ATP5F1B: variants seen among roughly 807,000 people sequenced by gnomAD.
ATP5F1B encodes the protein ATP synthase F1 subunit beta, also known as ATP synthase F(1) complex subunit beta, mitochondrial.
In ATP5F1B, 17 loss-of-function variants were observed where a neutral mutation model predicts 45.9. The ratio of observed to expected loss-of-function variants is 0.37; its 90% CI spans 0.25 to 0.56. The LOEUF is 0.56. Among genes scored for constraint, ATP5F1B ranks in the 20% least tolerant of loss-of-function variants. The probability of loss-of-function intolerance (pLI) is 0.80; values close to 1 mark genes in which losing one functional copy is unlikely to be tolerated. For synonymous variants in ATP5F1B, 218 were observed against 256.5 expected, an observed-to-expected ratio of 0.85 and a Z score of 1.43; for missense variants, 387 against 673.2, an observed-to-expected ratio of 0.57 and a Z score of 4.70.
At chr12:56,641,714 C>G (rs1592644485) in intron 7 of ATP5F1B, among the ~76,000 whole-genome samples, 1 of 152,046 alleles carries the variant, frequency 6.6e-6, no homozygotes, top group South Asian at 2.1e-4. Flanking sequence ...CCACGCCCAG[C>G]TAATTTTTTG....
At chr12:56,645,761 C>A in intron 1 of ATP5F1B, 76 bp downstream of exon 1, 1 of 1,566,284 alleles carries the variant, frequency 6.4e-7, no homozygotes, top group South Asian at 1.2e-5. Flanking sequence ...CCCTTAGGCC[C>A]GAGCTACCAT....
chr12:56,639,440 T>C (rs1472958859), intron 8 of ATP5F1B, 133 bp from the exon 9 acceptor site: 1 of 795,418 alleles, frequency 1.3e-6, no homozygotes, highest in African/African-American at 1.7e-5. Flanking sequence ...GAAAGATCAG[T>C]GTCTTGTTCT....
intron 5 of ATP5F1B, 54 bp downstream of exon 5, chr12:56,643,349 G>T: frequency 1.4e-6 from 2 of 1,455,446 alleles, no homozygotes; most frequent in Non-Finnish European, 1.9e-6. Context: ...GCTTCAGTTG[G>T]CAATAGTTTC....
rs745841573 is a variant in ATP5F1B, at chr12:56,638,295, G to C, written c.*28C>G. 1 of 1,589,352 alleles carries C rather than the reference G, an allele frequency of 6.3e-7. No homozygotes were observed. The highest frequency in any genetic ancestry group is 1.1e-5 in the South Asian group (1 of 89,818). On this transcript the variant is annotated 3_prime_UTR_variant, in exon 10 of 10. Transcript: ENST00000262030. ...AAGCTTTTTGGGTTAGGGGCAAGGA[G>C]AGAGACAGTACAGAGGACAAAGACC...
At chr12:56,640,991 G>A (rs1239131632) in intron 7 of ATP5F1B, among the ~76,000 whole-genome samples, 3 of 151,506 alleles carry the variant, frequency 2.0e-5, no homozygotes, top group African/African-American at 7.3e-5. Flanking sequence ...GGAGGTTATA[G>A]TGAGCCAAGA....
rs1452363236 is a variant in ATP5F1B at position 56,639,045 on chromosome 12, A to G, written c.1489+61T>C. On this transcript the variant is annotated intron_variant, in intron 9 of 9. Coordinates refer to ENST00000262030, the MANE Select transcript of ATP5F1B (RefSeq NM_001686.4). ...CATAGTATATTACATATATTGCTTGACGGTTGTTGGAATGGGACCACAGCA... is the reference window on the plus strand; with the variant it reads ...CATAGTATATTACATATATTGCTTGGCGGTTGTTGGAATGGGACCACAGCA... 3.3e-6 allele frequency: 5 copies of G among 1,496,554 alleles called. No homozygotes were observed. The East Asian group carries it at 1.1e-4, about 34-fold the overall frequency. 92.7% of individuals were successfully genotyped at this position (1,496,554 alleles called of 1,614,324 possible). A position where few individuals can be genotyped will look rare whatever the true frequency, so the allele number is the denominator to read the frequency against.
intron 1 of ATP5F1B, 116 bp downstream of exon 1, chr12:56,645,721 G>A (rs888634276): frequency 7.2e-6 from 11 of 1,519,158 alleles, no homozygotes; most frequent in Non-Finnish European, 9.8e-6. Flanking sequence ...AGCAAGACGC[G>A]GCTCCAGGCA....
At chr12:56,643,051 T>C in intron 5 of ATP5F1B, 1 of 565,424 alleles carries the variant, frequency 1.8e-6, no homozygotes, top group Non-Finnish European at 3.0e-6. Context: ...TAAAAACCTA[T>C]TCAAGTTAAG....
intron 8 of ATP5F1B, chr12:56,639,540 A>G: frequency 1.9e-6 from 1 of 517,206 alleles, no homozygotes; most frequent in South Asian, 2.1e-5. Flanking sequence ...TTGGGAGGCC[A>G]CGGTGGGTGG....
rs1345145083 is a variant in ATP5F1B at position 56,644,964 on chromosome 12, T to C, written c.311-9A>G. 4.3e-6 allele frequency: 7 copies of C among 1,613,992 alleles called. No individual in the cohort carries two copies. In the Admixed American group the frequency reaches 1.0e-4, roughly 23 times the overall value. On this transcript the variant is annotated splice_polypyrimidine_tract_variant and intron_variant, in intron 2 of 9. Transcript: ENST00000262030. ...CCTTACTGTGCTCTCACCTGTTAGA[T>C]ACAGGCATCGCAGGGTTATACATAA...
rs139524118 is a variant in ATP5F1B at position 56,642,903 on chromosome 12, C to T, written c.793-72G>A. 1,035 of 1,527,926 alleles carry T rather than the reference C, an allele frequency of 6.8e-4. 4 individuals are homozygous for T. The African/African-American group carries it at 0.012, about 18-fold the overall frequency. 94.6% of individuals were successfully genotyped at this position (1,527,926 alleles called of 1,614,324 possible). On this transcript the variant is annotated intron_variant, in intron 5 of 9. Coordinates refer to ENST00000262030, the MANE Select transcript of ATP5F1B (RefSeq NM_001686.4). ...AGCCACATACTGAAGGTTCCCAAAT[C>T]GGAGAAACGACCACAGATCCTTTCT... is the stretch of plus-strand genomic sequence containing the variant.
intron 4 of ATP5F1B, 77 bp downstream of exon 4, chr12:56,643,760 C>T (rs763165017): frequency 1.3e-6 from 2 of 1,594,302 alleles, no homozygotes; most frequent in South Asian, 2.2e-5. Context: ...GAATAGATGT[C>T]AATATCCACT....
At chr12:56,644,583 A>T (rs1243368426) in intron 3 of ATP5F1B, among the ~76,000 whole-genome samples, 198 bp downstream of exon 3, 1 of 152,116 alleles carries the variant, frequency 6.6e-6, no homozygotes, top group Non-Finnish European at 1.5e-5. Context: ...CCTCTCAAAA[A>T]AAAAAACCTC....
At position 56,642,746 on chromosome 12, in the gene ATP5F1B, A is replaced by C. The variant is rs1402009927; in HGVS notation, c.878T>G (p.Phe293Cys). Residue 293 changes from phenylalanine (F) to cysteine (C), a missense_variant, in exon 6 of 10, where the codon TTC (phenylalanine) becomes TGC (cysteine). Transcript: ENST00000262030. Reference sequence around the variant, plus strand: ...TACATCTTGACCTTCTTGGTCTCTGAAGTATTCAGCCACAGTCAGCCCAGT... The same window carrying C: ...TACATCTTGACCTTCTTGGTCTCTGCAGTATTCAGCCACAGTCAGCCCAGT... ...ALTGLTVAEY[F>C]RDQEGQDVLL... 1 of 1,614,208 alleles carries C rather than the reference A, an allele frequency of 6.2e-7. No individual in the cohort carries two copies. The highest frequency in any genetic ancestry group is 8.5e-7 in the Non-Finnish European group (1 of 1,180,038).
intron 5 of ATP5F1B, 175 bp downstream of exon 5, chr12:56,643,228 T>C (rs1951525005): frequency 3.7e-6 from 2 of 538,170 alleles, no homozygotes; most frequent in African/African-American, 3.8e-5. Flanking sequence ...GTATTGGAAG[T>C]TGGGGGGGAA....
In ATP5F1B at chr12:56,645,936, C is replaced by A. The variant is rs750848875; in HGVS notation, c.28G>T (p.Ala10Ser). Reference sequence around the variant, plus strand: ...CGCAAGGCCCCGGAGGCCGGAGCAGCGGCCACCCGACCCACAAACCCCAAC... The same window carrying A: ...CGCAAGGCCCCGGAGGCCGGAGCAGAGGCCACCCGACCCACAAACCCCAAC... MLGFVGRVAAAPASGALRRL... is the reference protein window; with the variant it reads MLGFVGRVASAPASGALRRL... Residue 10 changes from alanine (A) to serine (S), a missense_variant, in exon 1 of 10, where the codon GCT becomes TCT. Around this residue, in one of 6 missense-constraint regions of ATP5F1B, gnomAD observed 76 missense variants for 62.0 expected, o/e 1.23. Transcript: ENST00000262030. 1 of 1,605,684 alleles carries A rather than the reference C, an allele frequency of 6.2e-7. No homozygotes were observed. The highest frequency in any genetic ancestry group is 2.2e-5 in the East Asian group (1 of 44,568).
At chr12:56,638,515 C>T in intron 9 of ATP5F1B, 92 bp from the exon 10 acceptor site, 1 of 949,612 alleles carries the variant, frequency 1.1e-6, no homozygotes, top group Admixed American at 2.0e-5. Flanking sequence ...TTCAGGCCAT[C>T]AGTTAGAATG....
At position 56,642,770 on chromosome 12, in the gene ATP5F1B, G is replaced by A. The variant is rs780433436; in HGVS notation, c.854C>T (p.Thr285Ile). ...GAAGTATTCAGCCACAGTCAGCCCA[G>A]TCAGAGCTACCCGGGCACGAGCACC... ...PPGARARVAL[T>I]GLTVAEYFRD... The change falls in exon 6 of 10, where the codon ACT (threonine) becomes ATT (isoleucine). Residue 285 changes from threonine (T) to isoleucine (I), a missense_variant. Coordinates refer to ENST00000262030, the MANE Select transcript of ATP5F1B (RefSeq NM_001686.4). 29 of 1,614,062 alleles carry A rather than the reference G, an allele frequency of 1.8e-5. No homozygotes were observed. The highest frequency in any genetic ancestry group is 1.7e-6 in the Non-Finnish European group (2 of 1,180,048).
Position 56,638,332 on chromosome 12 carries a change from A to G in ATP5F1B, c.1581T>C (p.His527=). 1.9e-6 allele frequency: 3 copies of G among 1,613,920 alleles called. No individual in the cohort carries two copies. Among genetic ancestry groups the G allele is most frequent in the Non-Finnish European group, 2.5e-6 (3 of 1,179,814 alleles). Residue 527 remains histidine (H), a synonymous_variant, in exon 10 of 10, where the codon CAT becomes CAC. Coordinates refer to ENST00000262030, the MANE Select transcript of ATP5F1B (RefSeq NM_001686.4). ...VAKADKLAEE[H]SS is the part of the protein sequence containing the mutation. Reference sequence around the variant, plus strand: ...AGAGGACAAAGACCCCTCACGATGAATGCTCTTCAGCCAGCTTATCAGCTT... The same window carrying G: ...AGAGGACAAAGACCCCTCACGATGAGTGCTCTTCAGCCAGCTTATCAGCTT...
Sources: allele counts gnomAD v4.1 joint callset (sites outside exome capture counted in the v4.1 genomes callset), GRCh38; gene constraint gnomAD v4.1.1; regional missense constraint gnomAD v4.1.1; transcripts MANE v1.5; gene names NCBI Gene and HGNC (gene_info 2026-07-23, HGNC 2026-07-21).